RNMT: variants seen among roughly 807,000 people sequenced by gnomAD.
RNMT encodes the protein mRNA cap guanine-N(7) methyltransferase.
A neutral mutation model predicts 56.0 loss-of-function variants in RNMT; 27 were observed. The observed-to-expected ratio is 0.48, with a 90% CI of 0.36 to 0.67. The LOEUF is 0.67. Among genes scored for constraint, RNMT ranks in the 30% least tolerant of loss-of-function variants. The pLI, the probability that RNMT is intolerant of heterozygous loss-of-function variation, is 0.00. For missense variants in RNMT, 519 were observed against 552.1 expected (o/e 0.94, Z 0.60); for synonymous variants, 184 against 176.2 (o/e 1.04, Z -0.35).
chr18:13,743,352 AT>A (rs1182529479), intron 8 of RNMT, among the ~76,000 whole-genome samples: 6 of 150,260 alleles, frequency 4.0e-5, no homozygotes, highest in African/African-American at 9.7e-5. Context: ...AAATAAATAA[AT>A]AAATAAATAA....
chr18:13,759,449 C>G (rs751936934), intron 11 of RNMT, among the ~76,000 whole-genome samples: 1 of 152,100 alleles, frequency 6.6e-6, no homozygotes, highest in Non-Finnish European at 1.5e-5. Flanking sequence ...GAGCTTTTGG[C>G]TTACTTTCTT....
At chr18:13,752,891 C>G (rs2044474809) in intron 10 of RNMT, among the ~76,000 whole-genome samples, 1 of 152,204 alleles carries the variant, frequency 6.6e-6, no homozygotes, top group Admixed American at 6.5e-5. Context: ...ATTTTCATAG[C>G]ACATTTTTGC....
intron 1 of RNMT, among the ~76,000 whole-genome samples, chr18:13,729,040 T>C (rs566963473): frequency 1.2e-4 from 19 of 152,238 alleles, no homozygotes; most frequent in Non-Finnish European, 2.8e-4. Context: ...ACCACAAAAA[T>C]CTTTGCCCAG....
intron 1 of RNMT, among the ~76,000 whole-genome samples, chr18:13,727,876 TAAC>T (rs1299622714): frequency 1.3e-5 from 2 of 152,254 alleles, no homozygotes; most frequent in Non-Finnish European, 1.5e-5. Flanking sequence ...TTATTTCAGT[TAAC>T]ATAATGACAT....
chr18:13,727,565 A>G (rs1190744286), intron 1 of RNMT, among the ~76,000 whole-genome samples: 2 of 152,276 alleles, frequency 1.3e-5, no homozygotes, highest in South Asian at 2.1e-4. Flanking sequence ...GGCAATTGGG[A>G]TATTTGTCAT....
rs186026984 is a variant in RNMT, at chr18:13,755,381, C to T, written c.1393+1234C>T. 3.9e-5 allele frequency among the ~76,000 whole-genome samples: 6 copies of T among 152,316 alleles called. No individual in the cohort carries two copies. The East Asian group carries it at 1.2e-3, about 29-fold the overall frequency. On this transcript the variant is annotated intron_variant, in intron 11 of 11. Transcript: ENST00000383314. ...AACGTTTTTAATCCTTGTAATAACT[C>T]ACATGTTGTAACTCATTTAATCCTC...
intron 1 of RNMT, among the ~76,000 whole-genome samples, chr18:13,727,322 G>C (rs1019672827): frequency 5.9e-5 from 9 of 152,202 alleles, no homozygotes; most frequent in African/African-American, 2.2e-4. Context: ...CGAAATGTTC[G>C]TGTGGTTATT....
Position 13,763,470 on chromosome 18 carries a change from T to C in RNMT, c.*3491T>C, listed in dbSNP as rs1049920859. ...TACTCTCCAGTTTGGCTGTGGAGAC[T>C]TGAGCAAGCCCTAAAGTCCCCTGCT... On this transcript the variant is annotated 3_prime_UTR_variant, in exon 12 of 12. Transcript: ENST00000383314. 40 of 190,954 alleles carry C rather than the reference T, an allele frequency of 2.1e-4. No individual in the cohort carries two copies. Among genetic ancestry groups the C allele is most frequent in the African/African-American group, 8.9e-4 (39 of 43,772 alleles). The allele number at this position is 190,954 out of a possible 1,614,324, so 11.8% of individuals were successfully genotyped here.
intron 9 of RNMT, among the ~76,000 whole-genome samples, chr18:13,747,600 T>C (rs2044373971): frequency 6.6e-6 from 1 of 152,194 alleles, no homozygotes; most frequent in South Asian, 2.1e-4. Context: ...TTAGATTTTC[T>C]TCAGTTTTTG....
chr18:13,752,902 T>C (rs1568513068), intron 10 of RNMT, among the ~76,000 whole-genome samples: 1 of 152,270 alleles, frequency 6.6e-6, no homozygotes, highest in Non-Finnish European at 1.5e-5. Flanking sequence ...ACATTTTTGC[T>C]AATATCTTAG....
At position 13,746,288 on chromosome 18, in the gene RNMT, T is replaced by C. The variant is rs150685617; in HGVS notation, c.1208T>C (p.Ile403Thr). 1 of 1,575,560 alleles carries C rather than the reference T, an allele frequency of 6.3e-7. No individual in the cohort carries two copies. Among genetic ancestry groups the C allele is most frequent in the African/African-American group, 1.4e-5 (1 of 73,218 alleles). The change falls in exon 9 of 12, where the codon ATT becomes ACT. Residue 403 changes from isoleucine (I) to threonine (T), a missense_variant. By Grantham distance (89) the Ile-to-Thr change is moderately conservative. Coordinates refer to ENST00000383314, the MANE Select transcript of RNMT (RefSeq NM_003799.3). ...KTFLEFYEEK[I>T]KNNENKMLLK... ...TTTCTGGAATTCTACGAAGAAAAGA[T>C]TAAGAACAATGAAAATAAAATGCTC...
intron 4 of RNMT, 68 bp from the exon 5 acceptor site, chr18:13,736,942 G>C (rs2044167805): frequency 2.9e-6 from 4 of 1,389,222 alleles, no homozygotes; most frequent in Non-Finnish European, 2.0e-6. Context: ...GGTTATTAGA[G>C]GTAACAGTTT....
chr18:13,762,024 C>T lies in RNMT; in HGVS notation c.*2045C>T, dbSNP rs574685363. The T allele has an allele frequency of 1.3e-5, 20 of 1,535,960 alleles. No individual in the cohort carries two copies. Among genetic ancestry groups the T allele is most frequent in the East Asian group, 1.2e-4 (5 of 40,910 alleles). On this transcript the variant is annotated 3_prime_UTR_variant, in exon 12 of 12. Transcript: ENST00000383314. ...TGACACACCTTGTCGTCTAAATGTT[C>T]GGTATTCTATTCAGGACTTACGGTA... is the stretch of plus-strand genomic sequence containing the variant.
At chr18:13,737,944 CAAT>C (rs530391708) in intron 5 of RNMT, among the ~76,000 whole-genome samples, 2 of 149,184 alleles carry the variant, frequency 1.3e-5, no homozygotes, top group South Asian at 4.2e-4. Context: ...TAGATCTAGG[CAAT>C]AATTTTTTTT....
intron 3 of RNMT, among the ~76,000 whole-genome samples, chr18:13,733,388 CTCTT>C (rs951812851): frequency 6.6e-6 from 1 of 152,068 alleles, no homozygotes; most frequent in Non-Finnish European, 1.5e-5. Context: ...ATTCTAATCT[CTCTT>C]TTTTTTTGAG....
Position 13,731,816 on chromosome 18 carries a change from G to A in RNMT, c.299G>A (p.Gly100Asp), listed in dbSNP as rs533704344. The A allele has an allele frequency of 6.2e-7, 1 of 1,613,586 alleles. No homozygotes were observed. Among genetic ancestry groups the A allele is most frequent in the East Asian group, 2.2e-5 (1 of 44,856 alleles). Reference protein sequence around the residue: ...PEEKDCGDAEGNSKKRKRETE... With the variant: ...PEEKDCGDAEDNSKKRKRETE... ...GAAAAAGATTGTGGTGATGCTGAAG[G>A]CAATTCAAAGAAAAGAAAAAGAGAA... The change falls in exon 3 of 12, where the codon GGC becomes GAC. Residue 100 changes from glycine (G) to aspartate (D), a missense_variant. Coordinates refer to ENST00000383314, the MANE Select transcript of RNMT (RefSeq NM_003799.3).
In RNMT at chr18:13,760,005, G is replaced by T. The variant is rs371324994; in HGVS notation, c.*26G>T. On this transcript the variant is annotated 3_prime_UTR_variant, in exon 12 of 12. Coordinates refer to ENST00000383314, the MANE Select transcript of RNMT (RefSeq NM_003799.3). ...GCACATAGGCAGTAGTCCCAGAGGG[G>T]CCGTGTTCTGTCCTGCACAAATTTG... 15 of 1,612,202 alleles carry T rather than the reference G, an allele frequency of 9.3e-6. No individual in the cohort carries two copies. In the South Asian group the frequency reaches 9.9e-5, roughly 11 times the overall value.
Position 13,761,510 on chromosome 18 carries a change from T to TAACA in RNMT, c.*1532_*1535dup, listed in dbSNP as rs1164373381. 1 of 987,542 alleles carries TAACA rather than the reference T, an allele frequency of 1.0e-6. No individual in the cohort carries two copies. The highest frequency in any genetic ancestry group is 5.9e-5 in the Admixed American group (1 of 16,854). 61.2% of individuals were successfully genotyped at this position (987,542 alleles called of 1,614,324 possible). A position where few individuals can be genotyped will look rare whatever the true frequency, so the allele number is the denominator to read the frequency against. ...TCTGTTCACATTTACTGGTCTTAATTAACAGGTAATAATAATACATGTACT... is the reference window on the plus strand; with the variant it reads ...TCTGTTCACATTTACTGGTCTTAATTAACAAACAGGTAATAATAATACATGTACT... On this transcript the variant is annotated 3_prime_UTR_variant, in exon 12 of 12. Coordinates refer to ENST00000383314, the MANE Select transcript of RNMT (RefSeq NM_003799.3).
intron 9 of RNMT, among the ~76,000 whole-genome samples, chr18:13,750,696 G>C (rs887047728): frequency 6.6e-6 from 1 of 152,076 alleles, no homozygotes; most frequent in Non-Finnish European, 1.5e-5. Flanking sequence ...CAGCTACCCA[G>C]GAGGTTGAGG....
Sources: gnomAD v4.1 joint callset for allele counts (sites outside exome capture counted in the v4.1 genomes callset) on GRCh38, gnomAD v4.1.1 for gene constraint, MANE v1.5 for transcripts, NCBI Gene and HGNC (gene_info 2026-07-23, HGNC 2026-07-21) for gene names.